The following MEI1 variants were observed in gnomAD, a reference collection of about 807,000 sequenced individuals.
MEI1 encodes the protein meiotic double-stranded break formation protein 1.
MEI1 carries 103 observed loss-of-function variants against 146.2 expected under a neutral mutation model. The observed-to-expected ratio is 0.70, with a 90% CI of 0.60 to 0.83. The LOEUF is 0.83. Ranked by LOEUF, MEI1 falls within the 40% of genes least tolerant of loss-of-function variation. The probability of loss-of-function intolerance (pLI) is 0.00; values close to 1 mark genes in which losing one functional copy is unlikely to be tolerated. For missense variants in MEI1, 1,529 were observed against 1,533.0 expected, an observed-to-expected ratio of 1.00 and a Z score of 0.04; for synonymous variants, 652 against 628.2, an observed-to-expected ratio of 1.04 and a Z score of -0.57.
chr22:41,770,118 G>A (rs1251765882), intron 19 of MEI1, among the ~76,000 whole-genome samples: 1 of 151,640 alleles, frequency 6.6e-6, no homozygotes. Context: ...TGGGCAACAG[G>A]AGCGAAACTC....
intron 27 of MEI1, among the ~76,000 whole-genome samples, 167 bp from the exon 28 acceptor site, chr22:41,794,204 A>G (rs753056673): frequency 4.6e-5 from 7 of 152,208 alleles, no homozygotes; most frequent in African/African-American, 1.2e-4. Flanking sequence ...GCCAGTCAAC[A>G]TAAGTGGATT....
chr22:41,699,754 A>G (rs1241994810), intron 1 of MEI1, 42 bp downstream of exon 1: 4 of 1,516,940 alleles, frequency 2.6e-6, no homozygotes, highest in Non-Finnish European at 8.8e-7. Flanking sequence ...GGGTTTGGCC[A>G]TTTCCCTCAG....
chr22:41,756,970 TC>T (rs1340513791), intron 17 of MEI1, among the ~76,000 whole-genome samples: 1 of 152,248 alleles, frequency 6.6e-6, no homozygotes, highest in African/African-American at 2.4e-5. Flanking sequence ...TCACTGACTA[TC>T]CAGTGACACT....
chr22:41,716,485 T>C (rs2070190818), intron 5 of MEI1, among the ~76,000 whole-genome samples: 1 of 149,000 alleles, frequency 6.7e-6, no homozygotes, highest in South Asian at 2.1e-4. Context: ...CAAGCGATTC[T>C]CCTACCTCAG....
At chr22:41,735,901 A>G (rs966004954) in intron 11 of MEI1, among the ~76,000 whole-genome samples, 1 of 152,208 alleles carries the variant, frequency 6.6e-6, no homozygotes, top group African/African-American at 2.4e-5. Flanking sequence ...GCTCAAATCT[A>G]TAGTTCTTGC....
intron 22 of MEI1, among the ~76,000 whole-genome samples, chr22:41,779,506 G>A (rs1218573425): frequency 3.3e-5 from 5 of 152,104 alleles, no homozygotes; most frequent in Admixed American, 3.3e-4. Context: ...AGGAAGGCCT[G>A]GGTTTGAATC....
At chr22:41,771,208 C>A (rs1016660854) in intron 20 of MEI1, among the ~76,000 whole-genome samples, 11 of 152,146 alleles carry the variant, frequency 7.2e-5, no homozygotes, top group Admixed American at 6.5e-4. Context: ...CTCTTCCCCC[C>A]AGGGGATGAC....
At chr22:41,716,794 A>G (rs2070244856) in intron 5 of MEI1, among the ~76,000 whole-genome samples, 1 of 146,652 alleles carries the variant, frequency 6.8e-6, no homozygotes, top group Non-Finnish European at 1.5e-5. Flanking sequence ...GGTTCACGCC[A>G]TTCTACTGCC....
At chr22:41,730,712 T>TG (rs66636807) in intron 9 of MEI1, 75 bp downstream of exon 9, 25,411 of 914,564 alleles carry the variant, frequency 0.028, 2,043 homozygotes, top group African/African-American at 0.25. Context: ...GCCGCAGTGA[T>TG]GGGGGGCTAG....
At chr22:41,714,999 C>G (rs59453987) in intron 4 of MEI1, among the ~76,000 whole-genome samples, 1,807 of 152,118 alleles carry the variant, frequency 0.012, 40 homozygotes, top group African/African-American at 0.041. Flanking sequence ...CTTGTTAAAA[C>G]CATCAAGAAC....
At chr22:41,730,345 C>T (rs966066510) in intron 8 of MEI1, among the ~76,000 whole-genome samples, 176 bp from the exon 9 acceptor site, 1 of 152,182 alleles carries the variant, frequency 6.6e-6, no homozygotes, top group Non-Finnish European at 1.5e-5. Context: ...TAAACCATAA[C>T]CAAGGGCACT....
In MEI1 at chr22:41,718,181, A is replaced by T. The variant is rs1383349516; in HGVS notation, c.640A>T (p.Met214Leu). The T allele has an allele frequency of 6.2e-7, 1 of 1,613,980 alleles. No homozygotes were observed. Among genetic ancestry groups the T allele is most frequent in the African/African-American group, 1.3e-5 (1 of 75,058 alleles). Residue 214 changes from methionine (M) to leucine (L), a missense_variant, in exon 6 of 31, where the codon ATG (methionine) becomes TTG (leucine). Transcript: ENST00000401548. ...ATACTCCTCACCAGTGGCAGCTGAG[A>T]TGCTTTCAGGACACTTCCGTGAGAA... ...KLYSSPVAAE[M>L]LSGHFREKLF...
Position 41,752,589 on chromosome 22 carries a change from A to G in MEI1, c.1793-2A>G. 6.3e-7 allele frequency: 1 copy of G among 1,595,324 alleles called. No homozygotes were observed. The highest frequency in any genetic ancestry group is 8.5e-7 in the Non-Finnish European group (1 of 1,170,844). ...CTCTGCTTTATTCCCACTTCTCTGA[A>G]GCTTCCTCATCCTTCATACGACTGA... On this transcript the variant is annotated splice_acceptor_variant, in intron 15 of 30. Coordinates refer to ENST00000401548, the MANE Select transcript of MEI1 (RefSeq NM_152513.4). LOFTEE classifies it high-confidence loss of function.
intron 1 of MEI1, 24 bp from the exon 2 acceptor site, chr22:41,703,307 A>C: frequency 1.2e-6 from 2 of 1,608,576 alleles, no homozygotes; most frequent in Middle Eastern, 3.3e-4. Context: ...TTGCTATTGA[A>C]TGTTTTTCTT....
intron 5 of MEI1, among the ~76,000 whole-genome samples, chr22:41,717,632 T>C (rs1344709903): frequency 6.6e-6 from 1 of 151,126 alleles, no homozygotes; most frequent in East Asian, 1.9e-4. Context: ...TTTTTTTTTT[T>C]TGAGTTGGAG....
intron 11 of MEI1, among the ~76,000 whole-genome samples, chr22:41,737,176 C>G (rs1203064772): frequency 6.6e-6 from 1 of 152,122 alleles, no homozygotes; most frequent in Non-Finnish European, 1.5e-5. Flanking sequence ...TTCAGAATTT[C>G]CTTTCCTAAT....
chr22:41,780,041 AG>A (rs898820581), intron 22 of MEI1, among the ~76,000 whole-genome samples: 83 of 152,308 alleles, frequency 5.4e-4, no homozygotes, highest in African/African-American at 1.9e-3. Flanking sequence ...ATTCAAAAAA[AG>A]GCCACTGGGG....
At chr22:41,699,895 G>GC (rs1376888240) in intron 1 of MEI1, among the ~76,000 whole-genome samples, 183 bp downstream of exon 1, 2 of 152,196 alleles carry the variant, frequency 1.3e-5, no homozygotes, top group Non-Finnish European at 2.9e-5. Context: ...GGGCCCCTCA[G>GC]CCCCAGGCCG....
intron 1 of MEI1, among the ~76,000 whole-genome samples, chr22:41,700,239 C>G (rs1290220953): frequency 1.3e-5 from 2 of 152,216 alleles, no homozygotes; most frequent in Non-Finnish European, 2.9e-5. Flanking sequence ...TACAGCCGGG[C>G]AGAAGTGGGG....
Sources: gnomAD v4.1 joint callset for allele counts (sites outside exome capture counted in the v4.1 genomes callset) on GRCh38, gnomAD v4.1.1 for gene constraint, MANE v1.5 for transcripts, NCBI Gene and HGNC (gene_info 2026-07-23, HGNC 2026-07-21) for gene names.